ODAM: variants seen among roughly 807,000 people sequenced by gnomAD.
ODAM encodes the protein odontogenic, ameloblast associated, also known as odontogenic ameloblast-associated protein.
A neutral mutation model predicts 48.5 loss-of-function variants in ODAM; 55 were observed. The ratio of observed to expected loss-of-function variants is 1.13; its 90% confidence interval spans 0.91 to 1.42. The LOEUF (loss-of-function observed/expected upper bound fraction) is 1.42, where lower values mean the gene tolerates loss of function less well. ODAM is among the 40% of genes most tolerant of loss of function. The probability of loss-of-function intolerance (pLI) is 0.00; values close to 1 mark genes in which losing one functional copy is unlikely to be tolerated. For missense variants in ODAM, 353 were observed against 323.6 expected (o/e 1.09, Z -0.70); for synonymous variants, 127 against 107.8 (o/e 1.18, Z -1.10).
chr4:70,201,500 C>A lies in ODAM; in HGVS notation c.575C>A (p.Pro192His), dbSNP rs751616425. 1 of 1,484,032 alleles carries A rather than the reference C, an allele frequency of 6.7e-7. No individual in the cohort carries two copies. The highest frequency in any genetic ancestry group is 9.4e-7 in the Non-Finnish European group (1 of 1,066,456). 91.9% of individuals were successfully genotyped at this position (1,484,032 alleles called of 1,614,324 possible). ...QFGYIPQLAE[P>H]AISGGQQQLA... ...GGATACATTCCACAACTAGCAGAACCTGTAAGTAAATGCATATTTTTCATT... is the reference window on the plus strand; with the variant it reads ...GGATACATTCCACAACTAGCAGAACATGTAAGTAAATGCATATTTTTCATT... Residue 192 changes from proline to histidine, a missense_variant and splice_region_variant, in exon 8 of 12, where the codon CCT (proline) becomes CAT (histidine). Transcript: ENST00000683306.
chr4:70,197,438 T>C (rs751241760), intron 4 of ODAM, 117 bp downstream of exon 4: 40 of 730,084 alleles, frequency 5.5e-5, no homozygotes, highest in Non-Finnish European at 9.3e-5. Context: ...GTTTTTAACA[T>C]TATGAATTTG....
At position 70,197,907 on chromosome 4, in the gene ODAM, C is replaced by T; in HGVS notation, c.142-17C>T. 6.2e-7 allele frequency: 1 copy of T among 1,603,024 alleles called. No individual in the cohort carries two copies. Among genetic ancestry groups the T allele is most frequent in the Non-Finnish European group, 8.5e-7 (1 of 1,171,502 alleles). ...GGCATGAAGGGAACATGCTTTCTTT[C>T]CTTTGTGTCTTTTTAGGGCCCACTT... On this transcript the variant is annotated splice_polypyrimidine_tract_variant and intron_variant, in intron 4 of 11. Coordinates refer to ENST00000683306, the MANE Select transcript of ODAM (RefSeq NM_017855.4).
rs117728034 is a variant in ODAM at position 70,203,529 on chromosome 4, T to C, written c.*29+315T>C. On this transcript the variant is annotated intron_variant, in intron 11 of 11. Transcript: ENST00000683306. ...AGAATCAATTCTCCCAAATCATCAT[T>C]TCATTTTGCAAGTAAACATTGTAAT... Among the ~76,000 whole-genome samples the C allele has an allele frequency of 7.8e-4, 118 of 152,042 alleles. 3 individuals are homozygous for C. The East Asian group carries it at 0.018, about 23-fold the overall frequency.
In ODAM at chr4:70,196,132, A is replaced by G. The variant is rs2109814022; in HGVS notation, c.-16+339A>G. 1.3e-5 allele frequency among the ~76,000 whole-genome samples: 2 copies of G among 152,120 alleles called. 1 individual carries two copies. The highest frequency in any genetic ancestry group is 4.8e-5 in the African/African-American group (2 of 41,538). ...TATTGAAGTACTTTTCAACATAGAC[A>G]TTAAAATTGCTGCAGTAATAAGTCC... On this transcript the variant is annotated intron_variant, in intron 1 of 11. Transcript: ENST00000683306.
intron 5 of ODAM, 29 bp from the exon 6 acceptor site, chr4:70,198,550 C>T: frequency 6.5e-7 from 1 of 1,544,926 alleles, no homozygotes; most frequent in Non-Finnish European, 8.8e-7. Context: ...GTCAAGCATA[C>T]ATTTTTATAT....
chr4:70,201,385 T>A, intron 7 of ODAM, 69 bp from the exon 8 acceptor site: 2 of 724,186 alleles, frequency 2.8e-6, no homozygotes, highest in Non-Finnish European at 2.4e-6. Flanking sequence ...GTTTAAGTAA[T>A]CATTTACTGC....
At chr4:70,200,126 A>G in intron 6 of ODAM, 1 of 447,322 alleles carries the variant, frequency 2.2e-6, no homozygotes, top group South Asian at 1.6e-5. Flanking sequence ...CATTCTGCAG[A>G]ATGATGATTC....
chr4:70,201,975 T>C (rs1289699986), intron 8 of ODAM, among the ~76,000 whole-genome samples: 1 of 151,888 alleles, frequency 6.6e-6, no homozygotes, highest in Non-Finnish European at 1.5e-5. Flanking sequence ...TGTCTTGTTT[T>C]TTCCACCCCT....
At chr4:70,200,256 C>A in intron 6 of ODAM, 2 of 404,948 alleles carry the variant, frequency 4.9e-6, no homozygotes, top group Non-Finnish European at 4.5e-6. Context: ...CTGCTTAGTT[C>A]AACCCACTAT....
chr4:70,200,970 G>T (rs1213984949), intron 7 of ODAM, among the ~76,000 whole-genome samples: 1 of 151,842 alleles, frequency 6.6e-6, no homozygotes, highest in Non-Finnish European at 1.5e-5. Flanking sequence ...AAAAATATTA[G>T]CTACCTTGAT....
In ODAM at chr4:70,198,147, G is replaced by T. The variant is rs749211746; in HGVS notation, c.365G>T (p.Gly122Val). ...CAAACACCGCCTCAGACACAACCAGGCCCCAGTCACGTAAGTCAGGCCTCT... is the reference window on the plus strand; with the variant it reads ...CAAACACCGCCTCAGACACAACCAGTCCCCAGTCACGTAAGTCAGGCCTCT... ...QLQTPPQTQPGPSHVMPYVFS... is the reference protein window; with the variant it reads ...QLQTPPQTQPVPSHVMPYVFS... The change falls in exon 5 of 12, where the codon GGC becomes GTC. Residue 122 changes from glycine to valine, a missense_variant. Transcript: ENST00000683306. The T allele has an allele frequency of 1.3e-5, 21 of 1,612,598 alleles. No homozygotes were observed. In the South Asian group the frequency reaches 2.2e-4, roughly 17 times the overall value.
intron 4 of ODAM, 45 bp downstream of exon 4, chr4:70,197,366 T>G (rs763106545): frequency 3.1e-6 from 3 of 977,134 alleles, no homozygotes; most frequent in Non-Finnish European, 4.9e-6. Context: ...ATTTACCTAT[T>G]GCTCATTTAT....
chr4:70,199,879 A>G (rs1729459402), intron 6 of ODAM, among the ~76,000 whole-genome samples: 1 of 151,990 alleles, frequency 6.6e-6, no homozygotes, highest in Admixed American at 6.6e-5. Context: ...CTCATTTTCT[A>G]TGAACACATA....
intron 11 of ODAM, among the ~76,000 whole-genome samples, chr4:70,203,511 A>G (rs191984626): frequency 7.2e-5 from 11 of 152,076 alleles, no homozygotes; most frequent in African/African-American, 1.9e-4. Context: ...TACAGAATCA[A>G]TTCTCCCAAA....
intron 5 of ODAM, 142 bp from the exon 6 acceptor site, chr4:70,198,437 A>C: frequency 1.5e-6 from 1 of 687,002 alleles, no homozygotes; most frequent in Non-Finnish European, 2.4e-6. Context: ...TTATGTCAGC[A>C]CATGTAACGG....
chr4:70,202,232 C>T (rs546330205), intron 8 of ODAM, 26 bp from the exon 9 acceptor site: 1 of 1,592,798 alleles, frequency 6.3e-7, no homozygotes, highest in Admixed American at 1.7e-5. Flanking sequence ...CTGATTTAGA[C>T]TTTTTAAAAC....
At chr4:70,197,892 G>A (rs1578236342) in intron 4 of ODAM, 32 bp from the exon 5 acceptor site, 1 of 1,565,970 alleles carries the variant, frequency 6.4e-7, no homozygotes, top group East Asian at 2.2e-5. Context: ...GGCATGAAGG[G>A]AACATGCTTT....
chr4:70,196,480 AT>A, intron 1 of ODAM, 48 bp from the exon 2 acceptor site: 1 of 1,050,624 alleles, frequency 9.5e-7, no homozygotes, highest in Non-Finnish European at 1.4e-6. Flanking sequence ...TTTGTCATGA[AT>A]TTTAAGTAAT....
chr4:70,202,928 G>T lies in ODAM; in HGVS notation c.810+11G>T. 6.3e-7 allele frequency: 1 copy of T among 1,591,192 alleles called. No individual in the cohort carries two copies. The highest frequency in any genetic ancestry group is 8.5e-7 in the Non-Finnish European group (1 of 1,172,150). ...CTCCCAGAAGAGAAGGTAGAGTCAT[G>T]AAAACTTCACTTTATGCAAAAAAAT... On this transcript the variant is annotated intron_variant, in intron 10 of 11. Coordinates refer to ENST00000683306, the MANE Select transcript of ODAM (RefSeq NM_017855.4).
Sources: gnomAD v4.1 joint callset for allele counts (sites outside exome capture counted in the v4.1 genomes callset) on GRCh38, gnomAD v4.1.1 for gene constraint, MANE v1.5 for transcripts, NCBI Gene and HGNC (gene_info 2026-07-23, HGNC 2026-07-21) for gene names.